C12orf42: variants seen among roughly 807,000 people sequenced by gnomAD.
C12orf42 encodes uncharacterized protein C12orf42.
Under a neutral mutation model 21.6 loss-of-function variants are expected in C12orf42, and 25 were observed. The ratio of observed to expected loss-of-function variants is 1.16; its 90% CI spans 0.84 to 1.62. The LOEUF is 1.62. Ranked by LOEUF, C12orf42 falls within the 40% of genes most tolerant of loss-of-function variation. C12orf42 has a pLI of 0.00. For synonymous variants in C12orf42, 174 were observed against 175.0 expected (o/e 0.99, Z 0.05); for missense variants, 483 against 459.3 (o/e 1.05, Z -0.47).
At chr12:103,350,008 G>T (rs1473767377) in intron 4 of C12orf42, among the ~76,000 whole-genome samples, 8 of 151,988 alleles carry the variant, frequency 5.3e-5, no homozygotes, top group Non-Finnish European at 1.2e-4. Flanking sequence ...TTGTGGAAAG[G>T]GTTAAATGTA....
At chr12:103,274,456 C>G (rs1003873922) in intron 5 of C12orf42, among the ~76,000 whole-genome samples, 1 of 152,064 alleles carries the variant, frequency 6.6e-6, no homozygotes, top group Admixed American at 6.6e-5. Flanking sequence ...TTTTCTTTCC[C>G]TTAGAAGTCT....
the C12orf42 span, among the ~76,000 whole-genome samples, chr12:103,142,464 A>C: frequency 6.6e-6 from 1 of 152,296 alleles, no homozygotes; most frequent in African/African-American, 2.4e-5. Flanking sequence ...CAGTCAAATT[A>C]GTTTTATCTG....
the C12orf42 span, among the ~76,000 whole-genome samples, chr12:103,200,955 T>A: frequency 1.3e-5 from 2 of 152,308 alleles, no homozygotes; most frequent in Non-Finnish European, 2.9e-5. Context: ...GATTTGATGA[T>A]CTCTTGGAAA....
the C12orf42 span, among the ~76,000 whole-genome samples, chr12:103,089,132 C>T: frequency 1.6e-5 from 2 of 128,396 alleles, no homozygotes; most frequent in Admixed American, 1.5e-4. Flanking sequence ...AAAGAATCAA[C>T]TCGGCAACCC....
the C12orf42 span, among the ~76,000 whole-genome samples, chr12:103,071,944 C>T: frequency 3.3e-5 from 5 of 152,138 alleles, no homozygotes; most frequent in Non-Finnish European, 2.9e-5. Flanking sequence ...ATCCCAGCTA[C>T]GTATCTCCCT....
At chr12:103,211,011 C>T in the C12orf42 span, among the ~76,000 whole-genome samples, 1 of 152,118 alleles carries the variant, frequency 6.6e-6, no homozygotes, top group Non-Finnish European at 1.5e-5. Context: ...GAGCTCTCCA[C>T]CCTTTTTCCA....
chr12:103,237,941 A>G (rs2136156641), intron 10 of C12orf42: 1 of 152,336 alleles, frequency 6.6e-6, no homozygotes, highest in Admixed American at 6.5e-5. Flanking sequence ...CTACCTCTTG[A>G]AGAAGAAATA....
intron 10 of C12orf42, among the ~76,000 whole-genome samples, chr12:103,242,957 T>C (rs879722088): frequency 3.3e-5 from 5 of 152,298 alleles, no homozygotes; most frequent in Admixed American, 2.0e-4. Flanking sequence ...TCCAGCATTA[T>C]TGTCATGACT....
intron 2 of C12orf42, among the ~76,000 whole-genome samples, chr12:103,474,978 G>A (rs913213224): frequency 2.0e-5 from 3 of 152,168 alleles, no homozygotes; most frequent in Non-Finnish European, 4.4e-5. Flanking sequence ...GTTAACATAA[G>A]TCAAAGGATT....
chr12:103,211,224 C>A, the C12orf42 span, among the ~76,000 whole-genome samples: 1 of 152,144 alleles, frequency 6.6e-6, no homozygotes, highest in Non-Finnish European at 1.5e-5. Flanking sequence ...TTTTGTTTAT[C>A]TAAACATCTT....
At chr12:103,341,641 A>G (rs1175735031) in intron 4 of C12orf42, among the ~76,000 whole-genome samples, 1 of 152,214 alleles carries the variant, frequency 6.6e-6, no homozygotes, top group Non-Finnish European at 1.5e-5. Flanking sequence ...CTAAAGTAAT[A>G]CTCACAATGT....
the C12orf42 span, among the ~76,000 whole-genome samples, chr12:103,134,036 A>T: frequency 1.3e-5 from 2 of 152,230 alleles, no homozygotes; most frequent in East Asian, 3.8e-4. Context: ...TGTCTTTATT[A>T]GTAGCATGAG....
intron 10 of C12orf42, among the ~76,000 whole-genome samples, chr12:103,241,770 A>G (rs1194357349): frequency 6.6e-6 from 1 of 152,186 alleles, no homozygotes; most frequent in African/African-American, 2.4e-5. Flanking sequence ...GGCACAGACA[A>G]CATGGCTTCT....
chr12:103,454,976 G>A (rs149700941), intron 2 of C12orf42, among the ~76,000 whole-genome samples: 1 of 152,202 alleles, frequency 6.6e-6, no homozygotes, highest in African/African-American at 2.4e-5. Flanking sequence ...AGGATACAAT[G>A]AGTTACTTTA....
chr12:103,284,915 T>C (rs2136328217), intron 4 of C12orf42, among the ~76,000 whole-genome samples: 1 of 152,260 alleles, frequency 6.6e-6, no homozygotes, highest in Non-Finnish European at 1.5e-5. Flanking sequence ...GAGCCCTGGA[T>C]AGTATAGTGG....
rs191378086 is a variant in C12orf42, at chr12:103,303,311, T to C, written c.632-752A>G. ...TCATATGTATATATAAACTTCCATA[T>C]TATATAATATATTGCATATATAAAC... On this transcript the variant is annotated intron_variant, in intron 5 of 5. Coordinates refer to ENST00000548883, the MANE Select transcript of C12orf42 (RefSeq NM_198521.5). Among the ~76,000 whole-genome samples the C allele has an allele frequency of 8.0e-3, 1,209 of 151,898 alleles. 14 individuals are homozygous for C. The highest frequency in any genetic ancestry group is 7.9e-3 in the Non-Finnish European group (539 of 67,966).
At chr12:103,478,478 G>T in intron 1 of C12orf42, 31 bp from the exon 2 acceptor site, 12 of 1,111,896 alleles carry the variant, frequency 1.1e-5, no homozygotes, top group Non-Finnish European at 1.5e-5. Flanking sequence ...AAGAAGAGCA[G>T]GTTTACAATG....
chr12:103,278,202 G>A (rs59868573), intron 4 of C12orf42, among the ~76,000 whole-genome samples: 1,814 of 152,112 alleles, frequency 0.012, 13 homozygotes, highest in Middle Eastern at 0.031. Flanking sequence ...AACAATGGGG[G>A]GGCTATGTCT....
the C12orf42 span, among the ~76,000 whole-genome samples, chr12:103,529,304 C>G: frequency 2.4e-4 from 37 of 152,166 alleles, no homozygotes; most frequent in Admixed American, 2.4e-3. Flanking sequence ...CATAGGATTG[C>G]TTTTAAATAA....
Sources: allele counts gnomAD v4.1 joint callset (sites outside exome capture counted in the v4.1 genomes callset), GRCh38; gene constraint gnomAD v4.1.1; transcripts MANE v1.5; gene names NCBI Gene and HGNC (gene_info 2026-07-23, HGNC 2026-07-21).